Variants in LNX2 observed in about 807,000 individuals in gnomAD.
The protein encoded by LNX2 is ligand of Numb protein X 2.
LNX2 carries 35 observed loss-of-function variants against 66.2 expected under a neutral mutation model. That is an observed-to-expected ratio of 0.53 (90% CI 0.40 to 0.70). LNX2 has a LOEUF of 0.70. Ranked by LOEUF, LNX2 falls within the 30% of genes least tolerant of loss-of-function variation. LNX2 has a pLI of 0.00. For synonymous variants in LNX2, 337 were observed against 315.6 expected (o/e 1.07, Z -0.72); for missense variants, 791 against 850.8 (o/e 0.93, Z 0.87).
intron 1 of LNX2, among the ~76,000 whole-genome samples, chr13:27,598,426 T>C (rs1364382535): frequency 2.0e-5 from 3 of 152,130 alleles, no homozygotes; most frequent in African/African-American, 7.2e-5. Context: ...TCATACACAG[T>C]CTAAATTGAA....
chr13:27,601,270 C>G (rs1955654894), intron 1 of LNX2, among the ~76,000 whole-genome samples: 2 of 152,132 alleles, frequency 1.3e-5, no homozygotes, highest in Admixed American at 6.5e-5. Flanking sequence ...CCATCTAATT[C>G]CAAAGTCCAC....
intron 2 of LNX2, among the ~76,000 whole-genome samples, chr13:27,574,273 C>T (rs1481396729): frequency 2.0e-5 from 3 of 152,076 alleles, no homozygotes; most frequent in East Asian, 3.9e-4. Context: ...GGTGAAACCC[C>T]GTCTCTACTA....
At chr13:27,580,514 T>G (rs1955385084) in intron 2 of LNX2, among the ~76,000 whole-genome samples, 1 of 152,142 alleles carries the variant, frequency 6.6e-6, no homozygotes, top group African/African-American at 2.4e-5. Context: ...TTTTATGTGA[T>G]TCTACACAAA....
chr13:27,549,503 C>A (rs1954981345), intron 9 of LNX2, among the ~76,000 whole-genome samples: 1 of 152,132 alleles, frequency 6.6e-6, no homozygotes, highest in South Asian at 2.1e-4. Flanking sequence ...GGGTTAAAGT[C>A]CAGGGATCTA....
At chr13:27,611,216 C>T (rs1002363979) in intron 1 of LNX2, among the ~76,000 whole-genome samples, 5 of 152,282 alleles carry the variant, frequency 3.3e-5, no homozygotes, top group South Asian at 2.1e-4. Flanking sequence ...AAATGTCTAC[C>T]GACAGATAAA....
intron 9 of LNX2, among the ~76,000 whole-genome samples, chr13:27,549,710 A>T (rs945638328): frequency 4.6e-5 from 7 of 152,236 alleles, no homozygotes. Context: ...GGCATCCTGT[A>T]AGCTATTGTA....
At chr13:27,585,171 A>G (rs1955469986) in intron 1 of LNX2, among the ~76,000 whole-genome samples, 1 of 151,616 alleles carries the variant, frequency 6.6e-6, no homozygotes, top group African/African-American at 2.4e-5. Flanking sequence ...CACACCTGTA[A>G]TCCCAGCACT....
intron 6 of LNX2, 79 bp downstream of exon 6, chr13:27,559,763 A>G: frequency 1.4e-6 from 2 of 1,383,530 alleles, no homozygotes; most frequent in Non-Finnish European, 1.9e-6. Context: ...CTGACACACA[A>G]AAAAACCTTC....
At chr13:27,552,841 G>A (rs749906456) in intron 8 of LNX2, among the ~76,000 whole-genome samples, 34 of 152,226 alleles carry the variant, frequency 2.2e-4, no homozygotes, top group Non-Finnish European at 4.0e-4. Flanking sequence ...AGGCTTCTGG[G>A]ATGGGGGGAA....
chr13:27,588,021 C>CAAAAAAA (rs56812051), intron 1 of LNX2, among the ~76,000 whole-genome samples: 12 of 93,516 alleles, frequency 1.3e-4, no homozygotes, highest in African/African-American at 2.7e-4. Flanking sequence ...ACTCTTGTCA[C>CAAAAAAA]AAAAAAAAAA....
At chr13:27,606,522 G>T (rs2138467061) in intron 1 of LNX2, among the ~76,000 whole-genome samples, 1 of 152,028 alleles carries the variant, frequency 6.6e-6, no homozygotes, top group African/African-American at 2.4e-5. Context: ...AGGTGATCAA[G>T]TTAAATTTCA....
chr13:27,550,936 A>C (rs576125062), intron 8 of LNX2, among the ~76,000 whole-genome samples: 6 of 152,324 alleles, frequency 3.9e-5, no homozygotes, highest in African/African-American at 1.4e-4. Context: ...AAAGATTAGG[A>C]ACGCAGCTTC....
intron 1 of LNX2, among the ~76,000 whole-genome samples, chr13:27,588,657 C>G (rs1043964004): frequency 2.0e-5 from 3 of 152,110 alleles, no homozygotes; most frequent in Non-Finnish European, 4.4e-5. Context: ...CATGGGATCT[C>G]TCTGTATTAT....
At chr13:27,588,318 C>T (rs1255483020) in intron 1 of LNX2, among the ~76,000 whole-genome samples, 1 of 152,138 alleles carries the variant, frequency 6.6e-6, no homozygotes, top group Non-Finnish European at 1.5e-5. Context: ...CACATCTATA[C>T]CACAGAGTTT....
chr13:27,559,619 C>G (rs759645038), intron 6 of LNX2, among the ~76,000 whole-genome samples: 1 of 152,164 alleles, frequency 6.6e-6, no homozygotes, highest in Non-Finnish European at 1.5e-5. Flanking sequence ...ATCTCCAGAT[C>G]TAAGGAACAA....
chr13:27,555,330 T>C (rs139075874), intron 7 of LNX2, among the ~76,000 whole-genome samples: 35 of 152,348 alleles, frequency 2.3e-4, no homozygotes, highest in South Asian at 6.2e-4. Flanking sequence ...CTCATCTTTA[T>C]GTTGTGTTTT....
chr13:27,574,043 T>C (rs1213702232), intron 2 of LNX2, among the ~76,000 whole-genome samples: 1 of 151,908 alleles, frequency 6.6e-6, no homozygotes, highest in Non-Finnish European at 1.5e-5. Context: ...AAAGGAAACC[T>C]ATCTAAAGAA....
intron 1 of LNX2, among the ~76,000 whole-genome samples, chr13:27,583,518 A>T (rs143425748): frequency 0.03 from 3,397 of 112,420 alleles, 136 homozygotes; most frequent in African/African-American, 0.12. Context: ...TTGGCCTCCC[A>T]AAGTGCTGAT....
At chr13:27,604,937 C>T (rs17085807) in intron 1 of LNX2, among the ~76,000 whole-genome samples, 16,128 of 149,378 alleles carry the variant, frequency 0.11, 1,026 homozygotes, top group East Asian at 0.28. Context: ...CTGAAGAAAA[C>T]GACATACAAA....
Sources: gnomAD v4.1 joint callset for allele counts (sites outside exome capture counted in the v4.1 genomes callset) on GRCh38, gnomAD v4.1.1 for gene constraint, MANE v1.5 for transcripts, NCBI Gene and HGNC (gene_info 2026-07-23, HGNC 2026-07-21) for gene names.